The following MYO7B variants were observed in gnomAD, a reference collection of about 807,000 sequenced individuals.
MYO7B encodes unconventional myosin-VIIb.
MYO7B carries 212 observed loss-of-function variants against 259.7 expected under a neutral mutation model. That is an observed-to-expected ratio of 0.82 (90% CI 0.73 to 0.91). The LOEUF is 0.91. MYO7B is among the 40% of genes least tolerant of loss of function. The pLI is 0.00. For synonymous variants in MYO7B, 1,197 were observed against 1,166.4 expected (o/e 1.03, Z -0.54); for missense variants, 2,732 against 2,813.5 (o/e 0.97, Z 0.66).
Position 127,566,816 on chromosome 2 carries a change from C to T in MYO7B, c.459C>T (p.Cys153=), listed in dbSNP as rs1212729019. Residue 153 remains cysteine (C), a synonymous_variant, in exon 5 of 48, where the codon TGC becomes TGT. Transcript: ENST00000409816. ...FSMKRNKRDQ[C]CIISGESGAG... is the part of the protein sequence containing the mutation. ...TGAAGAGGAACAAGAGGGACCAGTG[C>T]TGCATCATCAGGTGAGGCAGAGGGG... 6.2e-7 allele frequency: 1 copy of T among 1,609,844 alleles called. No homozygotes were observed. Among genetic ancestry groups the T allele is most frequent in the South Asian group, 1.1e-5 (1 of 91,036 alleles).
In MYO7B at chr2:127,634,618, A is replaced by G. The variant is rs770698805; in HGVS notation, c.5648A>G (p.Asp1883Gly). 2 of 1,612,722 alleles carry G rather than the reference A, an allele frequency of 1.2e-6. No homozygotes were observed. ...SDKVISQKEGDFFFDSLREVS... is the reference protein window; with the variant it reads ...SDKVISQKEGGFFFDSLREVS... ...CAGGTCATCAGCCAGAAGGAGGGAG[A>G]CTTCTTCTTTGATTCCTTGAGGGAG... Residue 1883 changes from aspartate (D) to glycine (G), a missense_variant, in exon 42 of 48, where the codon GAC becomes GGC. Physicochemically the swap from Asp to Gly is moderately conservative, Grantham distance 94. Around this residue, in one of 3 missense-constraint regions of MYO7B, gnomAD observed 821 missense variants for 769.3 expected, o/e 1.07. Transcript: ENST00000409816.
At chr2:127,545,551 C>T (rs142950911) in intron 1 of MYO7B, among the ~76,000 whole-genome samples, 210 of 152,346 alleles carry the variant, frequency 1.4e-3, no homozygotes, top group African/African-American at 4.6e-3. Flanking sequence ...AAGCACAGCC[C>T]GACAGCATAG....
chr2:127,623,369 C>T lies in MYO7B; in HGVS notation c.3813C>T (p.Tyr1271=), dbSNP rs772222560. ...HLGFSLQVAV[Y]DKFWSLGSGR... ...GCTTCTCCCTCCAGGTCGCCGTGTA[C>T]GACAAGGTACCAGCCAGGCACCCTG... The change falls in exon 29 of 48, where the codon TAC becomes TAT. Residue 1271 remains tyrosine (Y), a synonymous_variant. Coordinates refer to ENST00000409816, the MANE Select transcript of MYO7B (RefSeq NM_001393586.1). 4.0e-5 allele frequency: 64 copies of T among 1,585,614 alleles called. No homozygotes were observed. The highest frequency in any genetic ancestry group is 1.1e-4 in the African/African-American group (8 of 74,434).
At chr2:127,563,397 C>T (rs1678185764) in intron 2 of MYO7B, among the ~76,000 whole-genome samples, 2 of 152,312 alleles carry the variant, frequency 1.3e-5, no homozygotes, top group South Asian at 4.1e-4. Flanking sequence ...GCAGAAATCT[C>T]ACATGTGAAT....
intron 38 of MYO7B, 119 bp from the exon 39 acceptor site, chr2:127,632,127 C>T (rs1681547591): frequency 1.6e-6 from 2 of 1,228,234 alleles, no homozygotes; most frequent in Non-Finnish European, 1.1e-6. Context: ...GGCAGGTGCC[C>T]TCCCCCTCGG....
intron 24 of MYO7B, among the ~76,000 whole-genome samples, chr2:127,610,313 TAAC>T (rs2105035962): frequency 6.6e-6 from 1 of 152,248 alleles, no homozygotes; most frequent in African/African-American, 2.4e-5. Flanking sequence ...CACATAACAA[TAAC>T]AATAACAGGT....
At position 127,614,902 on chromosome 2, in the gene MYO7B, T is replaced by C. The variant is rs537877267; in HGVS notation, c.3398+2299T>C. On this transcript the variant is annotated intron_variant, in intron 26 of 47. Coordinates refer to ENST00000409816, the MANE Select transcript of MYO7B (RefSeq NM_001393586.1). This position sits in a 1 kb window ranked among gnomAD's most constrained non-coding sequence, Gnocchi z 4.6. ...GTCGGATATGAGCATCCATTTGTCC[T>C]TGGCTGCAGGGCCTTGGTGAAATTC... Among the ~76,000 whole-genome samples, 150 of 152,340 alleles carry C rather than the reference T, an allele frequency of 9.8e-4. No individual in the cohort carries two copies. Among genetic ancestry groups the C allele is most frequent in the African/African-American group, 3.5e-3 (147 of 41,584 alleles).
At position 127,588,642 on chromosome 2, in the gene MYO7B, C is replaced by T. The variant is rs543781320; in HGVS notation, c.1854+87C>T. 3.8e-5 allele frequency: 58 copies of T among 1,509,398 alleles called. No individual in the cohort carries two copies. In the South Asian group the frequency reaches 4.3e-4, roughly 11 times the overall value. 93.5% of individuals were successfully genotyped at this position (1,509,398 alleles called of 1,614,324 possible). A position where few individuals can be genotyped will look rare whatever the true frequency, so the allele number is the denominator to read the frequency against. Reference sequence around the variant, plus strand: ...TGTACAGGAAAGACTGTTTTACTCACCTCTGGGTCCACAGCATGCAGTTGG... The same window carrying T: ...TGTACAGGAAAGACTGTTTTACTCATCTCTGGGTCCACAGCATGCAGTTGG... On this transcript the variant is annotated intron_variant, in intron 15 of 47. Transcript: ENST00000409816.
At chr2:127,631,479 C>A (rs575456180) in intron 37 of MYO7B, 116 bp downstream of exon 37, 1 of 1,540,192 alleles carries the variant, frequency 6.5e-7, no homozygotes, top group South Asian at 1.2e-5. Context: ...TCTGAGAAAC[C>A]TGGAGTGGCG....
Position 127,607,725 on chromosome 2 carries a change from C to T in MYO7B, c.2643+301C>T, listed in dbSNP as rs201528252. ...CAATGGCTCTGCAATGGCTGGGGAG[C>T]CGTGGCCACCACCCAGGAGCACGCA... On this transcript the variant is annotated intron_variant, in intron 21 of 47. Coordinates refer to ENST00000409816, the MANE Select transcript of MYO7B (RefSeq NM_001393586.1). The surrounding 1 kb of genome is among the most constrained non-coding windows in gnomAD (Gnocchi z 4.4). Among the ~76,000 whole-genome samples the T allele has an allele frequency of 6.6e-6, 1 of 152,200 alleles. No individual in the cohort carries two copies. Among genetic ancestry groups the T allele is most frequent in the South Asian group, 2.1e-4 (1 of 4,824 alleles).
chr2:127,634,833 G>A (rs373766314), intron 42 of MYO7B, 150 bp downstream of exon 42: 13 of 762,036 alleles, frequency 1.7e-5, no homozygotes, highest in South Asian at 3.5e-5. Context: ...GGGGCCCGGC[G>A]GTGAGGGCCA....
chr2:127,611,009 T>C lies in MYO7B; in HGVS notation c.3192+993T>C, dbSNP rs1364150426. 1.3e-5 allele frequency among the ~76,000 whole-genome samples: 2 copies of C among 152,246 alleles called. No individual in the cohort carries two copies. The highest frequency in any genetic ancestry group is 2.4e-5 in the African/African-American group (1 of 41,468). On this transcript the variant is annotated intron_variant, in intron 24 of 47. Transcript: ENST00000409816. The surrounding 1 kb of genome is among the most constrained non-coding windows in gnomAD (Gnocchi z 5.4). ...TTCTGAGGGTCAGGAGCAGCTTAGC[T>C]GCATAGTCCCAGTTCAGGGTCCCTC...
intron 5 of MYO7B, among the ~76,000 whole-genome samples, chr2:127,567,914 A>AT (rs1238700174): frequency 6.6e-6 from 1 of 152,130 alleles, no homozygotes; most frequent in Non-Finnish European, 1.5e-5. Flanking sequence ...TCTTCATTAG[A>AT]TAGGGGGCAG....
chr2:127,593,014 G>A, intron 17 of MYO7B, 68 bp downstream of exon 17: 3 of 1,535,382 alleles, frequency 2.0e-6, no homozygotes, highest in Non-Finnish European at 2.6e-6. Flanking sequence ...GGCACCTCCA[G>A]CCCCCAGTAC....
chr2:127,588,661 C>G (rs912793450), intron 15 of MYO7B, 106 bp downstream of exon 15: 17 of 1,361,478 alleles, frequency 1.2e-5, no homozygotes, highest in Admixed American at 4.2e-5. Context: ...CCACAGCATG[C>G]AGTTGGCACT....
At chr2:127,558,127 A>G (rs1677904032) in intron 1 of MYO7B, among the ~76,000 whole-genome samples, 1 of 152,216 alleles carries the variant, frequency 6.6e-6, no homozygotes, top group Non-Finnish European at 1.5e-5. Flanking sequence ...AGAATCTACA[A>G]GGAACTCAAA....
chr2:127,618,246 G>C (rs13393706), intron 26 of MYO7B, among the ~76,000 whole-genome samples: 24,488 of 152,036 alleles, frequency 0.16, 2,040 homozygotes, highest in Middle Eastern at 0.25. Context: ...CCGTCATTAC[G>C]AGACGGAACG....
Position 127,637,535 on chromosome 2 carries a change from C to T in MYO7B, c.*118C>T. On this transcript the variant is annotated 3_prime_UTR_variant, in exon 48 of 48. Transcript: ENST00000409816. Reference sequence around the variant, plus strand: ...GCGGGCAGCCTTCCATGCTGCCCCCCATACAAAGCCCACTCAGCCCCGCAG... The same window carrying T: ...GCGGGCAGCCTTCCATGCTGCCCCCTATACAAAGCCCACTCAGCCCCGCAG... The T allele has an allele frequency of 1.3e-6, 1 of 760,568 alleles. No homozygotes were observed. Among genetic ancestry groups the T allele is most frequent in the Non-Finnish European group, 2.0e-6 (1 of 491,332 alleles). The allele number at this position is 760,568 out of a possible 1,614,324, so 47.1% of individuals were successfully genotyped here. A position where few individuals can be genotyped will look rare whatever the true frequency, so the allele number is the denominator to read the frequency against.
intron 2 of MYO7B, among the ~76,000 whole-genome samples, chr2:127,560,406 G>A (rs939023170): frequency 2.0e-5 from 3 of 152,132 alleles, no homozygotes; most frequent in Non-Finnish European, 4.4e-5. Flanking sequence ...GTGGGCATGG[G>A]TAGGACTGAA....
Sources: gnomAD v4.1 joint callset for allele counts (sites outside exome capture counted in the v4.1 genomes callset) on GRCh38, gnomAD v4.1.1 for gene constraint, gnomAD v4.1.1 regional missense constraint, Gnocchi (gnomAD v3.1) non-coding constraint, MANE v1.5 for transcripts, NCBI Gene and HGNC (gene_info 2026-07-23, HGNC 2026-07-21) for gene names.